SKAP2: variants seen among roughly 807,000 people sequenced by gnomAD.
SKAP2 encodes src kinase-associated phosphoprotein 2.
Under a neutral mutation model 54.9 loss-of-function variants are expected in SKAP2, and 28 were observed. That is an observed-to-expected ratio of 0.51 (90% CI 0.38 to 0.70). The LOEUF is 0.70. SKAP2 is among the 30% of genes least tolerant of loss of function. The pLI is 0.00. For synonymous variants in SKAP2, 137 were observed against 134.3 expected (o/e 1.02, Z -0.14); for missense variants, 356 against 424.1 (o/e 0.84, Z 1.41).
At chr7:26,760,875 A>C (rs939236042) in intron 4 of SKAP2, among the ~76,000 whole-genome samples, 6 of 152,224 alleles carry the variant, frequency 3.9e-5, no homozygotes, top group African/African-American at 1.4e-4. Context: ...AGAAGCCAAA[A>C]GCATATAGAA....
intron 9 of SKAP2, among the ~76,000 whole-genome samples, chr7:26,718,680 AT>A (rs1249898156): frequency 1.3e-5 from 2 of 151,910 alleles, no homozygotes; most frequent in African/African-American, 2.4e-5. Context: ...TAATTTTTGT[AT>A]TTTTAGTAGA....
intron 9 of SKAP2, among the ~76,000 whole-genome samples, chr7:26,692,257 A>G (rs1786802046): frequency 6.6e-6 from 1 of 152,188 alleles, no homozygotes; most frequent in South Asian, 2.1e-4. Flanking sequence ...AGAAATGGAC[A>G]TATTATTACT....
intron 9 of SKAP2, among the ~76,000 whole-genome samples, chr7:26,704,483 GT>G (rs2127947253): frequency 6.6e-6 from 1 of 152,272 alleles, no homozygotes; most frequent in African/African-American, 2.4e-5. Flanking sequence ...AGCACTTTTC[GT>G]AATACGAAAG....
chr7:26,829,057 A>C (rs1022366498), intron 4 of SKAP2, among the ~76,000 whole-genome samples: 2 of 152,178 alleles, frequency 1.3e-5, no homozygotes, highest in African/African-American at 4.8e-5. Context: ...AGTACAAGTA[A>C]TAAAAGAAAA....
chr7:26,754,582 G>C (rs896928483), intron 4 of SKAP2, among the ~76,000 whole-genome samples: 19 of 152,108 alleles, frequency 1.2e-4, no homozygotes, highest in African/African-American at 4.6e-4. Flanking sequence ...GTCATTACCA[G>C]AACAATTTCA....
At chr7:26,784,309 T>C (rs948030768) in intron 4 of SKAP2, among the ~76,000 whole-genome samples, 2 of 152,186 alleles carry the variant, frequency 1.3e-5, no homozygotes, top group Non-Finnish European at 2.9e-5. Flanking sequence ...AATCTACCTA[T>C]TGTCAGTTAA....
chr7:26,750,048 A>G (rs1353635689), intron 4 of SKAP2, among the ~76,000 whole-genome samples: 1 of 151,930 alleles, frequency 6.6e-6, no homozygotes, highest in Admixed American at 6.6e-5. Flanking sequence ...TCAGAAATCA[A>G]GATAACACAC....
At chr7:26,721,531 T>C (rs946300651) in intron 9 of SKAP2, among the ~76,000 whole-genome samples, 17 of 152,248 alleles carry the variant, frequency 1.1e-4, no homozygotes, top group African/African-American at 4.1e-4. Context: ...CAATCTGTCA[T>C]TGTAATTTAA....
chr7:26,802,597 T>C (rs1300808010), intron 4 of SKAP2, among the ~76,000 whole-genome samples: 4 of 152,084 alleles, frequency 2.6e-5, no homozygotes, highest in East Asian at 3.9e-4. Flanking sequence ...TAAATGCTGC[T>C]TGGGGCTGGG....
intron 4 of SKAP2, among the ~76,000 whole-genome samples, chr7:26,798,090 G>A (rs1314745612): frequency 1.3e-5 from 2 of 151,866 alleles, no homozygotes; most frequent in Admixed American, 1.3e-4. Flanking sequence ...GTACAAGAAG[G>A]TTATAGAACA....
chr7:26,784,420 T>C (rs190238573), intron 4 of SKAP2, among the ~76,000 whole-genome samples: 2 of 152,322 alleles, frequency 1.3e-5, no homozygotes, highest in Admixed American at 6.5e-5. Context: ...GGCCACAAGC[T>C]ACAAATTAGG....
In SKAP2 at chr7:26,667,844, G is replaced by A. The variant is rs1350719237; in HGVS notation, c.*1822C>T. 1 of 152,276 alleles carries A rather than the reference G, an allele frequency of 6.6e-6. No individual in the cohort carries two copies. Among genetic ancestry groups the A allele is most frequent in the Admixed American group, 6.5e-5 (1 of 15,272 alleles). 9.4% of individuals were successfully genotyped at this position (152,276 alleles called of 1,614,324 possible). A position where few individuals can be genotyped will look rare whatever the true frequency, so the allele number is the denominator to read the frequency against. On this transcript the variant is annotated 3_prime_UTR_variant, in exon 13 of 13. Transcript: ENST00000345317. ...AGGCTACATTGTCATGGGAAACAAC[G>A]GCTTTTGCTTTTCAGCTGCTCAAGT...
At chr7:26,779,456 G>A (rs988853905) in intron 4 of SKAP2, among the ~76,000 whole-genome samples, 1 of 151,954 alleles carries the variant, frequency 6.6e-6, no homozygotes, top group South Asian at 2.1e-4. Context: ...AAGATAAAAT[G>A]CAACTTTGTT....
At chr7:26,830,334 T>C (rs1458383235) in intron 4 of SKAP2, among the ~76,000 whole-genome samples, 1 of 152,158 alleles carries the variant, frequency 6.6e-6, no homozygotes, top group Non-Finnish European at 1.5e-5. Context: ...ACTGGGATTA[T>C]ACTTACATAA....
At chr7:26,728,878 G>A (rs917625811) in intron 6 of SKAP2, among the ~76,000 whole-genome samples, 3 of 152,028 alleles carry the variant, frequency 2.0e-5, no homozygotes, top group Non-Finnish European at 4.4e-5. Context: ...GGGTTCAATC[G>A]CTCCACTCAC....
rs144871246 is a variant in SKAP2 at position 26,789,487 on chromosome 7, T to A, written c.308-49523A>T. ...CATCACTCACACAGAGATATTCAAT[T>A]GTTTGTGTTACAGTTATAGAGTTAT... is the stretch of plus-strand genomic sequence containing the variant. On this transcript the variant is annotated intron_variant, in intron 4 of 12. Coordinates refer to ENST00000345317, the MANE Select transcript of SKAP2 (RefSeq NM_003930.5). Among the ~76,000 whole-genome samples, 585 of 152,342 alleles carry A rather than the reference T, an allele frequency of 3.8e-3. 1 individual carries two copies. The highest frequency in any genetic ancestry group is 6.4e-3 in the Non-Finnish European group (437 of 68,032).
intron 1 of SKAP2, among the ~76,000 whole-genome samples, chr7:26,861,026 T>C (rs1192003773): frequency 6.6e-6 from 1 of 152,022 alleles, no homozygotes; most frequent in Non-Finnish European, 1.5e-5. Context: ...TTAACAATGG[T>C]TTCATTTGCT....
intron 4 of SKAP2, among the ~76,000 whole-genome samples, chr7:26,809,139 C>T (rs371592016): frequency 1.2e-3 from 186 of 152,218 alleles, no homozygotes; most frequent in Admixed American, 3.5e-3. Context: ...TCTGGCCGGG[C>T]GCGGTGGCTC....
intron 9 of SKAP2, among the ~76,000 whole-genome samples, chr7:26,704,899 G>A (rs1171463325): frequency 1.3e-5 from 2 of 152,182 alleles, no homozygotes; most frequent in Admixed American, 6.5e-5. Flanking sequence ...CATTTACAAA[G>A]TTTCTCTTAC....
Sources: gnomAD v4.1 joint callset for allele counts (sites outside exome capture counted in the v4.1 genomes callset) on GRCh38, gnomAD v4.1.1 for gene constraint, MANE v1.5 for transcripts, NCBI Gene and HGNC (gene_info 2026-07-23, HGNC 2026-07-21) for gene names.